Variants in ANK2 observed in about 807,000 individuals in gnomAD.
ANK2 encodes ankyrin-2.
A neutral mutation model predicts 360.5 loss-of-function variants in ANK2; 83 were observed. That is an observed-to-expected ratio of 0.23 (90% CI 0.19 to 0.28). The LOEUF (loss-of-function observed/expected upper bound fraction) is 0.28, where lower values mean the gene tolerates loss of function less well. Among genes scored for constraint, ANK2 ranks in the 10% least tolerant of loss-of-function variants. ANK2 has a pLI of 1.00. For synonymous variants in ANK2, 1,740 were observed against 1,759.5 expected, an observed-to-expected ratio of 0.99 and a Z score of 0.28; for missense variants, 4,201 against 4,795.7, an observed-to-expected ratio of 0.88 and a Z score of 3.66.
At chr4:113,203,736 C>T (rs2098893706) in intron 4 of ANK2, among the ~76,000 whole-genome samples, 1 of 152,100 alleles carries the variant, frequency 6.6e-6, no homozygotes, top group African/African-American at 2.4e-5. Flanking sequence ...TTTACTTTAT[C>T]ATTATTGATG....
chr4:113,360,047 T>A (rs1265502774), intron 38 of ANK2, among the ~76,000 whole-genome samples: 2 of 152,148 alleles, frequency 1.3e-5, no homozygotes. Flanking sequence ...CCTGTGTTCT[T>A]CCAATATCTC....
At chr4:112,823,799 T>C (rs2057756860) in intron 1 of ANK2, among the ~76,000 whole-genome samples, 1 of 152,254 alleles carries the variant, frequency 6.6e-6, no homozygotes, top group Non-Finnish European at 1.5e-5. Context: ...TCTCAGCCCA[T>C]CCATCTAAAT....
At chr4:113,210,640 G>A (rs2099010979) in intron 4 of ANK2, among the ~76,000 whole-genome samples, 3 of 152,294 alleles carry the variant, frequency 2.0e-5, no homozygotes, top group Admixed American at 2.0e-4. Context: ...TTGCTTATCT[G>A]TAAAACAGGT....
At chr4:113,250,759 C>CCT (rs1491245836) in intron 10 of ANK2, among the ~76,000 whole-genome samples, 1 of 134,620 alleles carries the variant, frequency 7.4e-6, no homozygotes. Flanking sequence ...ACCACCGCCC[C>CCT]CCCCCCCGAC....
intron 2 of ANK2, among the ~76,000 whole-genome samples, chr4:113,192,342 T>C (rs2098679488): frequency 6.7e-6 from 1 of 149,380 alleles, no homozygotes; most frequent in African/African-American, 2.5e-5. Flanking sequence ...AGAGCATGCC[T>C]GCATGTGCAC....
At chr4:113,328,579 G>T (rs1344437903) in intron 26 of ANK2, among the ~76,000 whole-genome samples, 1 of 152,160 alleles carries the variant, frequency 6.6e-6, no homozygotes, top group Non-Finnish European at 1.5e-5. Flanking sequence ...TTTTGGTAAA[G>T]ACCAGAAACA....
At chr4:113,049,866 T>C (rs769446762) in intron 1 of ANK2, 54 bp downstream of exon 1, 11 of 1,590,202 alleles carry the variant, frequency 6.9e-6, no homozygotes, top group African/African-American at 1.3e-5. Flanking sequence ...TGTGTGCATG[T>C]GTGAGTGTGT....
chr4:112,894,947 T>C (rs1026444586), intron 1 of ANK2, among the ~76,000 whole-genome samples: 2 of 152,182 alleles, frequency 1.3e-5, no homozygotes, highest in African/African-American at 4.8e-5. Flanking sequence ...TAATAAGTGG[T>C]AAAATTCCCA....
rs191577366 is a variant in ANK2 at position 113,023,491 on chromosome 4, A to G, written c.21+118977A>G. On this transcript the variant is annotated intron_variant, in intron 2 of 30. Transcript: ENST00000503271. Reference sequence around the variant, plus strand: ...CTACTCTGCCTGGAATGCTCTATATAGATATGCTTGTGGCTGACTCTCTGA... The same window carrying G: ...CTACTCTGCCTGGAATGCTCTATATGGATATGCTTGTGGCTGACTCTCTGA... Among the ~76,000 whole-genome samples the G allele has an allele frequency of 6.3e-4, 96 of 152,270 alleles. 1 individual carries two copies. The highest frequency in any genetic ancestry group is 1.2e-3 in the Admixed American group (18 of 15,298).
At chr4:113,207,700 A>AAAAAAG (rs2098969460) in intron 4 of ANK2, among the ~76,000 whole-genome samples, 1 of 151,792 alleles carries the variant, frequency 6.6e-6, no homozygotes, top group African/African-American at 2.4e-5. Flanking sequence ...AAAAAAAAAA[A>AAAAAAG]AAAAAAGAAG....
rs1313692800 is a variant in ANK2, at chr4:113,290,169, TTG to T, written c.2277+1685_2277+1686del. Among the ~76,000 whole-genome samples the T allele has an allele frequency of 6.5e-3, 953 of 147,350 alleles. 3 individuals carry two copies. Among genetic ancestry groups the T allele is most frequent in the Non-Finnish European group, 9.7e-3 (647 of 66,426 alleles). The stretch of plus-strand genomic sequence containing the variant: ...TCTCATTTTATCATTTCAGTTTTTT[TTG>T]TTTTTTTTTTTTTAAGTGAACTAAG... On this transcript the variant is annotated intron_variant, in intron 20 of 45. Transcript: ENST00000357077.
In ANK2 at chr4:112,960,989, T is replaced by G. The variant is rs1378054747; in HGVS notation, c.21+56475T>G. Among the ~76,000 whole-genome samples, 5 of 152,284 alleles carry G rather than the reference T, an allele frequency of 3.3e-5. No homozygotes were observed. In the East Asian group the frequency reaches 9.6e-4, roughly 29 times the overall value. On this transcript the variant is annotated intron_variant, in intron 2 of 30. Transcript: ENST00000503271. ...TTACAGTACTCAATTTCCATGTCAT[T>G]CTTGTGTAGCAATTTTAGTTTTTAA...
rs544710891 is a variant in ANK2 at position 113,145,090 on chromosome 4, G to A, written c.85-29326G>A. 4.9e-4 allele frequency among the ~76,000 whole-genome samples: 74 copies of A among 152,074 alleles called. 1 individual carries two copies. Among genetic ancestry groups the A allele is most frequent in the Admixed American group, 1.0e-3 (16 of 15,278 alleles). ...TTTTCAAAATACTAAAAATTAAAAC[G>A]AATTATAAATGAATCAACATGTTTG... On this transcript the variant is annotated intron_variant, in intron 1 of 45. Transcript: ENST00000357077.
chr4:113,013,494 A>T (rs2055484153), intron 2 of ANK2, among the ~76,000 whole-genome samples: 1 of 152,206 alleles, frequency 6.6e-6, no homozygotes, highest in African/African-American at 2.4e-5. Context: ...TTATAGTAGT[A>T]CTTCATACTT....
At chr4:113,085,417 A>AATTCTCCTGCCTC (rs1446845381) in intron 1 of ANK2, among the ~76,000 whole-genome samples, 1 of 151,766 alleles carries the variant, frequency 6.6e-6, no homozygotes, top group Non-Finnish European at 1.5e-5. Context: ...AGGTTCAAGC[A>AATTCTCCTGCCTC]ATTCTCCTGC....
the ANK2 span, among the ~76,000 whole-genome samples, chr4:112,752,362 G>C: frequency 6.6e-6 from 1 of 152,156 alleles, no homozygotes; most frequent in Non-Finnish European, 1.5e-5. Context: ...ATGTTAAGCA[G>C]CAAGTGCCTC....
the ANK2 span, among the ~76,000 whole-genome samples, chr4:112,767,955 G>GAGGAAGA: frequency 6.6e-6 from 1 of 152,112 alleles, no homozygotes; most frequent in African/African-American, 2.4e-5. Flanking sequence ...GAAAAAATCA[G>GAGGAAGA]AGGAAGAAGA....
At chr4:112,779,346 G>A in the ANK2 span, among the ~76,000 whole-genome samples, 12 of 152,058 alleles carry the variant, frequency 7.9e-5, no homozygotes, top group East Asian at 1.5e-3. Flanking sequence ...GTGAAACCCC[G>A]TCTCTACTGA....
chr4:113,117,934 G>A (rs1163652071), intron 1 of ANK2, among the ~76,000 whole-genome samples: 2 of 152,050 alleles, frequency 1.3e-5, no homozygotes, highest in Non-Finnish European at 2.9e-5. Flanking sequence ...TCACTTCTTA[G>A]TGAAGCTGCA....
Sources: allele counts gnomAD v4.1 joint callset (sites outside exome capture counted in the v4.1 genomes callset), GRCh38; gene constraint gnomAD v4.1.1; transcripts MANE v1.5; gene names NCBI Gene and HGNC (gene_info 2026-07-23, HGNC 2026-07-21).